Variants in NCOA1 observed in about 807,000 individuals in gnomAD.
NCOA1 encodes Hin-2 protein.
Under a neutral mutation model 150.9 loss-of-function variants are expected in NCOA1, and 35 were observed. The observed-to-expected ratio is 0.23, with a 90% CI of 0.18 to 0.31. The LOEUF is 0.31. Among genes scored for constraint, NCOA1 ranks in the 10% least tolerant of loss-of-function variants. The probability of loss-of-function intolerance (pLI) is 1.00; values close to 1 mark genes in which losing one functional copy is unlikely to be tolerated. For missense variants in NCOA1, 1,491 were observed against 1,749.3 expected, an observed-to-expected ratio of 0.85 and a Z score of 2.63; for synonymous variants, 590 against 630.0, an observed-to-expected ratio of 0.94 and a Z score of 0.95.
At chr2:24,716,748 A>G (rs1674067204) in intron 14 of NCOA1, among the ~76,000 whole-genome samples, 1 of 152,240 alleles carries the variant, frequency 6.6e-6, no homozygotes, top group Non-Finnish European at 1.5e-5. Flanking sequence ...AAGAAAATGA[A>G]TCAATAATCA....
chr2:24,673,998 T>G (rs537793878), intron 7 of NCOA1, among the ~76,000 whole-genome samples: 6 of 151,910 alleles, frequency 3.9e-5, no homozygotes, highest in African/African-American at 1.4e-4. Context: ...TGTGTAATTT[T>G]CACCCCTGCA....
intron 17 of NCOA1, among the ~76,000 whole-genome samples, chr2:24,730,328 A>G (rs1263064762): frequency 2.0e-5 from 3 of 152,216 alleles, no homozygotes; most frequent in Admixed American, 6.5e-5. Flanking sequence ...AATTAAATCA[A>G]TTCATTCAAT....
At chr2:24,688,519 T>C (rs937684657) in intron 8 of NCOA1, among the ~76,000 whole-genome samples, 2 of 152,216 alleles carry the variant, frequency 1.3e-5, no homozygotes, top group African/African-American at 2.4e-5. Flanking sequence ...TTGAGCTTTT[T>C]TTCACATGCT....
intron 14 of NCOA1, among the ~76,000 whole-genome samples, chr2:24,716,129 G>A (rs569196238): frequency 7.7e-5 from 10 of 130,096 alleles, no homozygotes; most frequent in African/African-American, 2.8e-4. Context: ...GGGTGACAGA[G>A]TGAGACTCCG....
chr2:24,678,670 T>C (rs996033130), intron 7 of NCOA1, among the ~76,000 whole-genome samples: 2 of 152,234 alleles, frequency 1.3e-5, no homozygotes, highest in African/African-American at 2.4e-5. Flanking sequence ...GTTTGTTGGC[T>C]GCATGAATGT....
intron 1 of NCOA1, among the ~76,000 whole-genome samples, chr2:24,527,317 T>C (rs570553617): frequency 6.6e-6 from 1 of 152,276 alleles, no homozygotes; most frequent in Admixed American, 6.5e-5. Flanking sequence ...ATCATCCAGT[T>C]TCCTACACCA....
intron 20 of NCOA1, 50 bp from the exon 21 acceptor site, chr2:24,757,923 C>A: frequency 6.3e-7 from 1 of 1,577,590 alleles, no homozygotes; most frequent in South Asian, 1.1e-5. Context: ...GTCATATATC[C>A]CCTTGTTCAT....
At chr2:24,642,598 C>G (rs943324612) in intron 3 of NCOA1, among the ~76,000 whole-genome samples, 1 of 152,034 alleles carries the variant, frequency 6.6e-6, no homozygotes, top group Non-Finnish European at 1.5e-5. Flanking sequence ...GGTAAACATA[C>G]ACTTAACTAT....
In NCOA1 at chr2:24,758,087, C is replaced by A; in HGVS notation, c.3996C>A (p.Asn1332Lys). Residue 1332 changes from asparagine (N) to lysine (K), a missense_variant, in exon 21 of 23, where the codon AAC becomes AAA. Asn to Lys is a moderately conservative substitution (Grantham distance 94). Coordinates refer to ENST00000348332, the MANE Select transcript of NCOA1 (RefSeq NM_003743.5). ...GAAATACGAATGTTCAGAACATGAA[C>A]CCAATGATGGCCCAGATGCAGATGA... ...AGGNTNVQNM[N>K]PMMAQMQMSS... 6.2e-7 allele frequency: 1 copy of A among 1,614,076 alleles called. No individual in the cohort carries two copies. Among genetic ancestry groups the A allele is most frequent in the Non-Finnish European group, 8.5e-7 (1 of 1,180,018 alleles).
intron 2 of NCOA1, among the ~76,000 whole-genome samples, chr2:24,581,451 G>A (rs1261013210): frequency 1.3e-5 from 2 of 152,196 alleles, no homozygotes; most frequent in Admixed American, 1.3e-4. Flanking sequence ...GGAGCTACAG[G>A]CACAGAGTTG....
At chr2:24,619,437 A>G (rs1191567600) in intron 3 of NCOA1, among the ~76,000 whole-genome samples, 1 of 152,200 alleles carries the variant, frequency 6.6e-6, no homozygotes, top group South Asian at 2.1e-4. Flanking sequence ...TGATTCATTC[A>G]TACTCTCTCA....
At chr2:24,737,464 C>T (rs754829507) in intron 17 of NCOA1, among the ~76,000 whole-genome samples, 5 of 152,196 alleles carry the variant, frequency 3.3e-5, no homozygotes, top group Non-Finnish European at 7.3e-5. Context: ...CATCTTTCCT[C>T]CATCCCTACC....
rs140368597 is a variant in NCOA1 at position 24,747,381 on chromosome 2, C to T, written c.3707-4601C>T. ...TGAGATAGGGTCTTGCTCTGTTGCC[C>T]AGGAGTGGCGTGATCATGGCTCACT... On this transcript the variant is annotated intron_variant, in intron 19 of 22. Transcript: ENST00000348332. Among the ~76,000 whole-genome samples the T allele has an allele frequency of 2.3e-4, 33 of 144,568 alleles. 2 individuals are homozygous for T. In the East Asian group the frequency reaches 6.6e-3, roughly 29 times the overall value. The allele number at this position is 144,568 out of a possible 152,430, so 94.8% of individuals were successfully genotyped here. A position where few individuals can be genotyped will look rare whatever the true frequency, so the allele number is the denominator to read the frequency against.
At position 24,706,793 on chromosome 2, in the gene NCOA1, C is replaced by T. The variant is rs200201689; in HGVS notation, c.1323C>T (p.Phe441=). ...HSNSSNSQGS[F]GCSPGSQIVA... ...ATTCTAGCAACAGCCAAGGAAGTTT[C>T]GGATGCTCACCCGGAAGTCAGATTG... The change falls in exon 13 of 23, where the codon TTC becomes TTT. Residue 441 remains phenylalanine (F), a synonymous_variant. Transcript: ENST00000348332. The T allele has an allele frequency of 2.7e-5, 43 of 1,614,168 alleles. No homozygotes were observed. The highest frequency in any genetic ancestry group is 6.7e-5 in the East Asian group (3 of 44,888).
intron 1 of NCOA1, among the ~76,000 whole-genome samples, chr2:24,525,316 A>G (rs1344589256): frequency 6.6e-6 from 1 of 152,190 alleles, no homozygotes; most frequent in Non-Finnish European, 1.5e-5. Context: ...TGGAAAAGAT[A>G]AAAGTGAGTC....
chr2:24,516,784 G>C (rs1043892229), intron 1 of NCOA1, among the ~76,000 whole-genome samples: 6 of 144,574 alleles, frequency 4.2e-5, no homozygotes, highest in Non-Finnish European at 9.0e-5. Flanking sequence ...TTGCCTCTCT[G>C]GCCTTCATTC....
rs377059534 is a variant in NCOA1 at position 24,760,178 on chromosome 2, A to C, written c.4065+2022A>C. On this transcript the variant is annotated intron_variant, in intron 21 of 22. Transcript: ENST00000348332. ...TTTTTGAGATGGAGTCTCGCCCTTTAGCCCAGGCTGGAGTGTGGTGGCACA... is the reference window on the plus strand; with the variant it reads ...TTTTTGAGATGGAGTCTCGCCCTTTCGCCCAGGCTGGAGTGTGGTGGCACA... Among the ~76,000 whole-genome samples the C allele has an allele frequency of 6.8e-5, 8 of 116,906 alleles. No individual in the cohort carries two copies. In the East Asian group the frequency reaches 1.9e-3, roughly 28 times the overall value. The allele number at this position is 116,906 out of a possible 152,430, so 76.7% of individuals were successfully genotyped here.
At chr2:24,675,900 A>T (rs1056027146) in intron 7 of NCOA1, among the ~76,000 whole-genome samples, 5 of 152,126 alleles carry the variant, frequency 3.3e-5, no homozygotes, top group Admixed American at 1.3e-4. Context: ...AAATAAATTA[A>T]TAAATAAGTA....
At chr2:24,725,718 T>C (rs1218719531) in intron 14 of NCOA1, among the ~76,000 whole-genome samples, 2 of 13,012 alleles carry the variant, frequency 1.5e-4, no homozygotes, top group Non-Finnish European at 1.4e-3. Flanking sequence ...AGTGTGCGTG[T>C]GTGTGTGTGT....
Sources: gnomAD v4.1 joint callset for allele counts (sites outside exome capture counted in the v4.1 genomes callset) on GRCh38, gnomAD v4.1.1 for gene constraint, MANE v1.5 for transcripts, NCBI Gene and HGNC (gene_info 2026-07-23, HGNC 2026-07-21) for gene names.